Variants in SCP2 observed in about 807,000 individuals in gnomAD.
The protein encoded by SCP2 is sterol carrier protein 2.
SCP2 carries 48 observed loss-of-function variants against 71.4 expected under a neutral mutation model. The ratio of observed to expected loss-of-function variants is 0.67; its 90% CI spans 0.53 to 0.86. SCP2 has a LOEUF of 0.86. SCP2 is among the 40% of genes least tolerant of loss of function. SCP2 has a pLI of 0.00. For missense variants in SCP2, 560 were observed against 655.6 expected, an observed-to-expected ratio of 0.85 and a Z score of 1.59; for synonymous variants, 220 against 218.1, an observed-to-expected ratio of 1.01 and a Z score of -0.08.
At chr1:53,041,606 T>C (rs1008515398) in intron 14 of SCP2, among the ~76,000 whole-genome samples, 1 of 152,046 alleles carries the variant, frequency 6.6e-6, no homozygotes, top group Non-Finnish European at 1.5e-5. Context: ...ATCAGGAGGA[T>C]AGATGTTGCC....
At chr1:52,991,352 T>C (rs184911484) in intron 11 of SCP2, among the ~76,000 whole-genome samples, 303 of 152,324 alleles carry the variant, frequency 2.0e-3, no homozygotes, top group African/African-American at 6.8e-3. Context: ...CTTAACTGGT[T>C]CTTGTTTGTT....
At chr1:52,952,850 T>G (rs1655441233) in intron 4 of SCP2, among the ~76,000 whole-genome samples, 1 of 152,078 alleles carries the variant, frequency 6.6e-6, no homozygotes, top group African/African-American at 2.4e-5. Context: ...GGCTGTGTAT[T>G]TTCAGTTCTT....
intron 12 of SCP2, among the ~76,000 whole-genome samples, chr1:53,023,679 G>C (rs796089211): frequency 3.0e-4 from 46 of 152,254 alleles, no homozygotes; most frequent in African/African-American, 1.1e-3. Context: ...CTAAGATGGA[G>C]GTATTCTGGA....
At position 52,927,417 on chromosome 1, in the gene SCP2, G is replaced by A. The variant is rs780256464; in HGVS notation, c.21G>A (p.Glu7=). 3.8e-5 allele frequency: 61 copies of A among 1,599,928 alleles called. No individual in the cohort carries two copies. The highest frequency in any genetic ancestry group is 5.1e-5 in the Non-Finnish European group (60 of 1,174,386). The change falls in exon 1 of 16, where the codon GAG becomes GAA. Residue 7 remains glutamate, a synonymous_variant. Coordinates refer to ENST00000371514, the MANE Select transcript of SCP2 (RefSeq NM_002979.5). MSSSPW[E]PATLRRVFVV... is the part of the protein sequence containing the mutation. The stretch of plus-strand genomic sequence containing the variant: ...CAGCCATGTCCTCTTCCCCGTGGGA[G>A]CCTGCGACCCTGCGCCGGGTGTTCG...
intron 11 of SCP2, among the ~76,000 whole-genome samples, chr1:53,004,788 G>A (rs1020837733): frequency 1.3e-5 from 2 of 152,170 alleles, no homozygotes; most frequent in African/African-American, 4.8e-5. Context: ...CGGACAGTGG[G>A]TGCAGTCCAC....
At chr1:52,991,097 G>A (rs1659456837) in intron 11 of SCP2, among the ~76,000 whole-genome samples, 1 of 152,314 alleles carries the variant, frequency 6.6e-6, no homozygotes, top group South Asian at 2.1e-4. Flanking sequence ...TACGTGTTCT[G>A]TATGAATGAA....
intron 5 of SCP2, 99 bp from the exon 6 acceptor site, chr1:52,961,404 T>C (rs1403281260): frequency 1.1e-5 from 14 of 1,255,894 alleles, no homozygotes; most frequent in Non-Finnish European, 1.5e-5. Context: ...TGGTGTACTA[T>C]GTGCTTAGAA....
intron 12 of SCP2, among the ~76,000 whole-genome samples, chr1:53,025,275 C>G (rs1399861582): frequency 4.6e-5 from 7 of 152,134 alleles, no homozygotes; most frequent in African/African-American, 1.7e-4. Context: ...TCCCTTCTGT[C>G]CCTGACTCTG....
intron 6 of SCP2, among the ~76,000 whole-genome samples, chr1:52,970,607 A>G (rs186798123): frequency 1.7e-3 from 257 of 151,530 alleles, no homozygotes; most frequent in African/African-American, 5.6e-3. Context: ...TTTTCAGCCC[A>G]TTCCATATAG....
At chr1:52,956,893 T>G (rs1572083430) in intron 5 of SCP2, among the ~76,000 whole-genome samples, 2 of 140,272 alleles carry the variant, frequency 1.4e-5, no homozygotes, top group Non-Finnish European at 3.0e-5. Flanking sequence ...TAAAAGTCCC[T>G]CCTTCTGCCT....
chr1:52,993,047 C>T (rs1392383497), intron 11 of SCP2, among the ~76,000 whole-genome samples: 1 of 152,170 alleles, frequency 6.6e-6, no homozygotes, highest in Non-Finnish European at 1.5e-5. Flanking sequence ...GTATTAGCTT[C>T]ACAGAAAGGA....
At chr1:53,047,993 C>A in intron 15 of SCP2, 56 bp downstream of exon 15, 1 of 1,173,028 alleles carries the variant, frequency 8.5e-7, no homozygotes, top group Non-Finnish European at 1.3e-6. Context: ...GCCCTTTCTA[C>A]TCCATCTCCT....
chr1:52,978,559 T>C (rs940054398), intron 9 of SCP2, among the ~76,000 whole-genome samples, 192 bp downstream of exon 9: 1 of 152,176 alleles, frequency 6.6e-6, no homozygotes, highest in Non-Finnish European at 1.5e-5. Flanking sequence ...GTTTTGTTGT[T>C]CTTTCTTTTC....
In SCP2 at chr1:52,978,384, A is replaced by G. The variant is rs1326851109; in HGVS notation, c.825+17A>G. 1.3e-6 allele frequency: 2 copies of G among 1,598,546 alleles called. No individual in the cohort carries two copies. Among genetic ancestry groups the G allele is most frequent in the African/African-American group, 1.3e-5 (1 of 74,634 alleles). ...ATTAAAATGGTATGTCTGAGATTCT[A>G]TTTGTTATTTTTATTTTTAAGATGG... On this transcript the variant is annotated intron_variant, in intron 9 of 15. Transcript: ENST00000371514.
intron 11 of SCP2, 62 bp downstream of exon 11, chr1:52,988,198 T>C: frequency 1.2e-6 from 1 of 837,386 alleles, no homozygotes; most frequent in East Asian, 2.5e-5. Context: ...GTGAATGAGT[T>C]AGTCTTTCAT....
At chr1:53,047,418 A>G (rs1663890472) in intron 14 of SCP2, among the ~76,000 whole-genome samples, 1 of 152,240 alleles carries the variant, frequency 6.6e-6, no homozygotes. Flanking sequence ...CACAGTTACT[A>G]TTAGTAATAT....
intron 4 of SCP2, among the ~76,000 whole-genome samples, chr1:52,951,662 T>G (rs561710679): frequency 7.2e-5 from 11 of 152,040 alleles, no homozygotes; most frequent in African/African-American, 2.4e-4. Context: ...AAGTGTACGA[T>G]TCAGTGTTTT....
In SCP2 at chr1:53,001,980, C is replaced by T. The variant is rs986211588; in HGVS notation, c.1082-12910C>T. Among the ~76,000 whole-genome samples, 7 of 152,032 alleles carry T rather than the reference C, an allele frequency of 4.6e-5. 1 individual carries two copies. Among genetic ancestry groups the T allele is most frequent in the Non-Finnish European group, 8.8e-5 (6 of 68,002 alleles). ...TGGGTGGATCATGAGGTCAGGAGATCGAGACCATCCTGGCTAACATGGTGA... is the reference window on the plus strand; with the variant it reads ...TGGGTGGATCATGAGGTCAGGAGATTGAGACCATCCTGGCTAACATGGTGA... On this transcript the variant is annotated intron_variant, in intron 11 of 15. Transcript: ENST00000371514.
chr1:52,947,780 A>G (rs532797669), intron 2 of SCP2, among the ~76,000 whole-genome samples: 7 of 152,244 alleles, frequency 4.6e-5, no homozygotes, highest in Non-Finnish European at 8.8e-5. Flanking sequence ...TATAACAGAA[A>G]GTGTTAAGTA....
Sources: allele counts gnomAD v4.1 joint callset (sites outside exome capture counted in the v4.1 genomes callset), GRCh38; gene constraint gnomAD v4.1.1; transcripts MANE v1.5; gene names NCBI Gene and HGNC (gene_info 2026-07-23, HGNC 2026-07-21).